Variants in RERE observed in about 807,000 individuals in gnomAD.
RERE encodes the protein arginine-glutamic acid dipeptide repeats protein.
RERE carries 40 observed loss-of-function variants against 146.1 expected under a neutral mutation model. That is an observed-to-expected ratio of 0.27 (90% CI 0.21 to 0.36). RERE has a LOEUF of 0.36. Ranked by LOEUF, RERE falls within the 10% of genes least tolerant of loss-of-function variation. The pLI is 1.00. For missense variants in RERE, 1,933 were observed against 2,138.7 expected, an observed-to-expected ratio of 0.90 and a Z score of 1.90; for synonymous variants, 1,003 against 866.0, an observed-to-expected ratio of 1.16 and a Z score of -2.78.
In RERE at chr1:8,358,271, C is replaced by T. The variant is rs529548316; in HGVS notation, c.4264G>A (p.Val1422Met). The T allele has an allele frequency of 3.8e-5, 61 of 1,613,410 alleles. No homozygotes were observed. Among genetic ancestry groups the T allele is most frequent in the African/African-American group, 5.3e-5 (4 of 74,922 alleles). Residue 1422 changes from valine (V) to methionine (M), a missense_variant, in exon 20 of 23, where the codon GTG becomes ATG. By Grantham distance (21) the Val-to-Met change is conservative (BLOSUM62 1). Coordinates refer to ENST00000400908, the MANE Select transcript of RERE (RefSeq NM_001042681.2). ...GAGTGCTGGTGATGGTGCGGAGTCA[C>T]GTTGAACATCTGCAGTCGGGCCAGG... is the stretch of plus-strand genomic sequence containing the variant. ...DPLARLQMFN[V>M]TPHHHQHSHI...
At chr1:8,580,176 C>T (rs996541028) in intron 4 of RERE, among the ~76,000 whole-genome samples, 1 of 152,216 alleles carries the variant, frequency 6.6e-6, no homozygotes, top group Non-Finnish European at 1.5e-5. Flanking sequence ...CCTATGTATA[C>T]AGCTCCTAGT....
chr1:8,393,705 C>CT (rs1642961464), intron 12 of RERE, among the ~76,000 whole-genome samples: 1 of 152,166 alleles, frequency 6.6e-6, no homozygotes, highest in South Asian at 2.1e-4. Flanking sequence ...ACCCTCAACT[C>CT]TGATGCATCC....
chr1:8,623,936 C>T (rs982134763), intron 3 of RERE, among the ~76,000 whole-genome samples: 1 of 152,210 alleles, frequency 6.6e-6, no homozygotes, highest in Non-Finnish European at 1.5e-5. Flanking sequence ...AAACTATTCT[C>T]TGACCCGTTT....
At chr1:8,541,078 C>T (rs1216737284) in intron 7 of RERE, 136 bp downstream of exon 7, 2 of 432,786 alleles carry the variant, frequency 4.6e-6, no homozygotes, top group Non-Finnish European at 8.2e-6. Flanking sequence ...TACTGAAGGA[C>T]TCTGGAGTCA....
At chr1:8,428,829 A>G (rs1415144145) in intron 11 of RERE, among the ~76,000 whole-genome samples, 1 of 152,186 alleles carries the variant, frequency 6.6e-6, no homozygotes, top group African/African-American at 2.4e-5. Flanking sequence ...ACCACGTCAA[A>G]ATGCATTAAA....
intron 1 of RERE, among the ~76,000 whole-genome samples, chr1:8,714,416 T>A (rs1350756840): frequency 6.6e-6 from 1 of 152,200 alleles, no homozygotes; most frequent in Non-Finnish European, 1.5e-5. Context: ...AGTAACGCCT[T>A]CAAATTTTTG....
At chr1:8,519,695 C>T (rs549180337) in intron 7 of RERE, 5 of 152,128 alleles carry the variant, frequency 3.3e-5, no homozygotes, top group East Asian at 3.9e-4. Flanking sequence ...TATGAGTTCC[C>T]GAAGTACCAC....
At position 8,770,567 on chromosome 1, in the gene RERE, T is replaced by C. The variant is rs1640929202; in HGVS notation, c.-145+46593A>G. On this transcript the variant is annotated intron_variant, in intron 1 of 22. Coordinates refer to ENST00000400908, the MANE Select transcript of RERE (RefSeq NM_001042681.2). ...TCAGTTTCCTCATCTGCGAAATAAC[T>C]ATACTTAACAATCCATGAAGAACAA... 2.6e-5 allele frequency among the ~76,000 whole-genome samples: 4 copies of C among 152,280 alleles called. No homozygotes were observed. The East Asian group carries it at 7.7e-4, about 29-fold the overall frequency.
At chr1:8,404,635 C>T (rs1287648777) in intron 12 of RERE, among the ~76,000 whole-genome samples, 2 of 152,178 alleles carry the variant, frequency 1.3e-5, no homozygotes, top group Non-Finnish European at 2.9e-5. Flanking sequence ...ATTACTCTCC[C>T]ACAGTAATTG....
At chr1:8,736,954 A>G (rs2124496380) in intron 1 of RERE, among the ~76,000 whole-genome samples, 1 of 152,182 alleles carries the variant, frequency 6.6e-6, no homozygotes, top group South Asian at 2.1e-4. Context: ...GTCCTAGCCA[A>G]TAAAGAATGG....
chr1:8,556,631 A>G (rs1035845180), intron 5 of RERE, 60 bp from the exon 6 acceptor site: 8 of 1,109,700 alleles, frequency 7.2e-6, no homozygotes, highest in Non-Finnish European at 1.1e-5. Flanking sequence ...AGTAAAAAAA[A>G]TTTGTAAAAC....
intron 1 of RERE, among the ~76,000 whole-genome samples, chr1:8,775,964 C>T (rs548359032): frequency 2.3e-4 from 35 of 152,176 alleles, no homozygotes; most frequent in Non-Finnish European, 3.4e-4. Context: ...TTGGATTCTG[C>T]ATCTGTGCTC....
chr1:8,498,381 T>C (rs144749801), intron 8 of RERE, among the ~76,000 whole-genome samples: 31 of 146,708 alleles, frequency 2.1e-4, no homozygotes, highest in African/African-American at 7.6e-4. Context: ...AAAATTAAAC[T>C]AAATTAAATT....
At chr1:8,401,026 A>C (rs1227796817) in intron 12 of RERE, among the ~76,000 whole-genome samples, 27 of 49,754 alleles carry the variant, frequency 5.4e-4, no homozygotes, top group African/African-American at 1.5e-3. Flanking sequence ...TCAAAAAAAA[A>C]AAAAAAAAAA....
intron 4 of RERE, among the ~76,000 whole-genome samples, chr1:8,565,382 A>G (rs1456107680): frequency 6.6e-6 from 1 of 152,202 alleles, no homozygotes; most frequent in Non-Finnish European, 1.5e-5. Context: ...ATATCTTGTA[A>G]TATTTCAAGC....
chr1:8,677,817 A>G (rs936018996), intron 1 of RERE, among the ~76,000 whole-genome samples: 10 of 152,234 alleles, frequency 6.6e-5, no homozygotes, highest in Non-Finnish European at 1.3e-4. Context: ...ACACAATGCT[A>G]GCAGATACAA....
At chr1:8,416,886 AGACAAG>A (rs1484450344) in intron 12 of RERE, among the ~76,000 whole-genome samples, 1 of 152,218 alleles carries the variant, frequency 6.6e-6, no homozygotes, top group African/African-American at 2.4e-5. Flanking sequence ...CTGGCTCAAG[AGACAAG>A]GACAGGGCCT....
At chr1:8,517,632 TACA>T (rs1645437406) in intron 7 of RERE, among the ~76,000 whole-genome samples, 1 of 152,186 alleles carries the variant, frequency 6.6e-6, no homozygotes, top group African/African-American at 2.4e-5. Flanking sequence ...GAAGCCAAAT[TACA>T]ACAATAATGG....
chr1:8,460,395 G>T (rs1644511393), intron 11 of RERE, among the ~76,000 whole-genome samples: 1 of 151,934 alleles, frequency 6.6e-6, no homozygotes. Flanking sequence ...CAAATATTTA[G>T]AAAATTACTT....
Sources: gnomAD v4.1 joint callset for allele counts (sites outside exome capture counted in the v4.1 genomes callset) on GRCh38, gnomAD v4.1.1 for gene constraint, MANE v1.5 for transcripts, NCBI Gene and HGNC (gene_info 2026-07-23, HGNC 2026-07-21) for gene names.